Variants in NOL4 observed in about 807,000 individuals in gnomAD.
NOL4 encodes the protein nucleolar protein 4.
A neutral mutation model predicts 75.9 loss-of-function variants in NOL4; 17 were observed. That is an observed-to-expected ratio of 0.22 (90% CI 0.15 to 0.34). The LOEUF (loss-of-function observed/expected upper bound fraction) is 0.34, where lower values mean the gene tolerates loss of function less well. Among genes scored for constraint, NOL4 ranks in the 10% least tolerant of loss-of-function variants. The probability of loss-of-function intolerance (pLI) is 1.00; values close to 1 mark genes in which losing one functional copy is unlikely to be tolerated. For synonymous variants in NOL4, 292 were observed against 289.9 expected, an observed-to-expected ratio of 1.01 and a Z score of -0.07; for missense variants, 614 against 793.5, an observed-to-expected ratio of 0.77 and a Z score of 2.72.
intron 6 of NOL4, among the ~76,000 whole-genome samples, chr18:33,996,985 G>A (rs755666394): frequency 4.0e-5 from 6 of 151,764 alleles, no homozygotes; most frequent in Non-Finnish European, 8.8e-5. Context: ...AGTTCCTTAC[G>A]CATTCTGGAT....
chr18:34,021,178 C>T (rs1472135286), intron 5 of NOL4, among the ~76,000 whole-genome samples: 1 of 152,092 alleles, frequency 6.6e-6, no homozygotes, highest in Non-Finnish European at 1.5e-5. Context: ...AACAAGGTCA[C>T]AGATAATTAA....
At chr18:33,980,598 TGGAAAGACAATA>T (rs2071874235) in intron 6 of NOL4, among the ~76,000 whole-genome samples, 1 of 141,476 alleles carries the variant, frequency 7.1e-6, no homozygotes, top group Non-Finnish European at 1.6e-5. Flanking sequence ...CCAAGAAGAG[TGGAAAGACAATA>T]AAAGAGAAAA....
intron 10 of NOL4, among the ~76,000 whole-genome samples, chr18:33,858,372 G>A (rs561992780): frequency 6.6e-6 from 1 of 151,660 alleles, no homozygotes; most frequent in South Asian, 2.1e-4. Flanking sequence ...TGATATTGTA[G>A]TTCTTTTGCC....
At chr18:34,136,921 A>G (rs951304271) in intron 1 of NOL4, among the ~76,000 whole-genome samples, 4 of 152,110 alleles carry the variant, frequency 2.6e-5, no homozygotes, top group Non-Finnish European at 5.9e-5. Flanking sequence ...TTACTACACT[A>G]AAGTCTTTAT....
chr18:34,221,161 CAGTT>C (rs777171919), intron 1 of NOL4: 13 of 152,082 alleles, frequency 8.5e-5, no homozygotes, highest in Non-Finnish European at 1.8e-4. Flanking sequence ...AGCTATCTGA[CAGTT>C]AGAGGGACCT....
intron 2 of NOL4, among the ~76,000 whole-genome samples, chr18:34,124,629 A>G (rs868104767): frequency 6.6e-6 from 1 of 152,090 alleles, no homozygotes; most frequent in African/African-American, 2.4e-5. Flanking sequence ...TCAAGGCTTG[A>G]TGCGATGGCT....
chr18:34,048,663 A>C (rs1006251308), intron 5 of NOL4: 6 of 944,804 alleles, frequency 6.4e-6, no homozygotes, highest in Non-Finnish European at 7.6e-6. Flanking sequence ...TAGCAGTGGG[A>C]CTACTGAGAT....
chr18:34,005,133 G>T (rs898944315), intron 6 of NOL4, among the ~76,000 whole-genome samples: 1 of 152,066 alleles, frequency 6.6e-6, no homozygotes, highest in African/African-American at 2.4e-5. Flanking sequence ...TAAATGCAAT[G>T]AATCCTTTTA....
chr18:34,212,751 G>C (rs115107883), intron 1 of NOL4, among the ~76,000 whole-genome samples: 1 of 152,102 alleles, frequency 6.6e-6, no homozygotes, highest in Non-Finnish European at 1.5e-5. Flanking sequence ...TATTGTGCTC[G>C]TTGTCAGCCA....
At chr18:34,066,612 T>G (rs568750219) in intron 5 of NOL4, among the ~76,000 whole-genome samples, 1 of 151,932 alleles carries the variant, frequency 6.6e-6, no homozygotes, top group South Asian at 2.1e-4. Flanking sequence ...ACTAAAGTAT[T>G]CCAAAACTGT....
chr18:33,857,907 A>C (rs192477418), intron 10 of NOL4, among the ~76,000 whole-genome samples: 7 of 152,110 alleles, frequency 4.6e-5, no homozygotes, highest in African/African-American at 1.7e-4. Flanking sequence ...ATTGTATTGA[A>C]TTAGTTTTTT....
intron 1 of NOL4, among the ~76,000 whole-genome samples, chr18:34,172,257 T>C (rs2033116758): frequency 6.6e-6 from 1 of 152,192 alleles, no homozygotes; most frequent in South Asian, 2.1e-4. Flanking sequence ...AAAGTATTTA[T>C]TGAAATTAAT....
chr18:34,047,787 G>A (rs971882784), intron 5 of NOL4, among the ~76,000 whole-genome samples: 2 of 152,032 alleles, frequency 1.3e-5, no homozygotes, highest in African/African-American at 4.8e-5. Flanking sequence ...AACCCACATA[G>A]ACGTAGACAT....
Position 34,223,908 on chromosome 18 carries a change from T to G in NOL4, c.-655A>C, listed in dbSNP as rs531768162. The stretch of plus-strand genomic sequence containing the variant: ...GGACTAGAAAGAGAAAGTTCTTACC[T>G]GTCATGTTTTTAAACCTATCAAATT... On this transcript the variant is annotated 5_prime_UTR_variant, in exon 1 of 11. Transcript: ENST00000261592. 6.6e-6 allele frequency: 1 copy of G among 152,408 alleles called. No homozygotes were observed. Among genetic ancestry groups the G allele is most frequent in the South Asian group, 2.1e-4 (1 of 4,828 alleles). The allele number at this position is 152,408 out of a possible 1,614,324, so 9.4% of individuals were successfully genotyped here. A position where few individuals can be genotyped will look rare whatever the true frequency, so the allele number is the denominator to read the frequency against.
chr18:34,082,738 T>A (rs1013622233), intron 5 of NOL4, among the ~76,000 whole-genome samples: 3 of 152,158 alleles, frequency 2.0e-5, no homozygotes, highest in Non-Finnish European at 4.4e-5. Context: ...TTTCTCTTGT[T>A]TGTTTCATCA....
intron 9 of NOL4, among the ~76,000 whole-genome samples, chr18:33,892,736 C>T (rs2065168010): frequency 1.3e-5 from 2 of 152,018 alleles, no homozygotes; most frequent in Admixed American, 6.6e-5. Flanking sequence ...TAGCTCTCTG[C>T]AGTCTCAAAC....
At chr18:34,108,010 C>A (rs1324002725) in intron 2 of NOL4, among the ~76,000 whole-genome samples, 2 of 152,088 alleles carry the variant, frequency 1.3e-5, no homozygotes, top group African/African-American at 4.8e-5. Context: ...AGAAGTTCTC[C>A]ACATGGTTGA....
intron 1 of NOL4, among the ~76,000 whole-genome samples, chr18:34,174,430 G>GA (rs1302128237): frequency 6.6e-6 from 1 of 152,100 alleles, no homozygotes; most frequent in East Asian, 1.9e-4. Context: ...AAGTCTTGGT[G>GA]AAAAAACCTA....
chr18:33,904,490 G>A (rs2065918123), intron 9 of NOL4, among the ~76,000 whole-genome samples: 3 of 151,952 alleles, frequency 2.0e-5, no homozygotes, highest in African/African-American at 4.8e-5. Flanking sequence ...CCCTTTTATG[G>A]TTTAGAGAAA....
Sources: allele counts gnomAD v4.1 joint callset (sites outside exome capture counted in the v4.1 genomes callset), GRCh38; gene constraint gnomAD v4.1.1; transcripts MANE v1.5; gene names NCBI Gene and HGNC (gene_info 2026-07-23, HGNC 2026-07-21).